Variants in DTNA observed in about 807,000 individuals in gnomAD.
The protein encoded by DTNA is dystrophin-related protein 3.
DTNA carries 43 observed loss-of-function variants against 100.7 expected under a neutral mutation model. The observed-to-expected ratio is 0.43, with a 90% CI of 0.33 to 0.55. DTNA has a LOEUF of 0.55. DTNA is among the 20% of genes least tolerant of loss of function. The pLI, the probability that DTNA is intolerant of heterozygous loss-of-function variation, is 0.04. For missense variants in DTNA, 798 were observed against 953.9 expected (o/e 0.84, Z 2.15); for synonymous variants, 349 against 347.9 (o/e 1.00, Z -0.04).
intron 1 of DTNA, among the ~76,000 whole-genome samples, chr18:34,602,971 C>G (rs1234652871): frequency 6.6e-6 from 1 of 151,630 alleles, no homozygotes; most frequent in East Asian, 1.9e-4. Context: ...CCATTGTACT[C>G]CAGCCCGGGC....
At chr18:34,810,647 G>T (rs1297884583) in intron 5 of DTNA, among the ~76,000 whole-genome samples, 1 of 152,092 alleles carries the variant, frequency 6.6e-6, no homozygotes, top group Admixed American at 6.6e-5. Context: ...GGTGACTATA[G>T]TTAACAAAAT....
chr18:34,773,661 A>C (rs1181002746), intron 3 of DTNA, among the ~76,000 whole-genome samples: 1 of 152,200 alleles, frequency 6.6e-6, no homozygotes, highest in South Asian at 2.1e-4. Context: ...CCCTGTGGGA[A>C]AGTTGGTGGT....
intron 1 of DTNA, among the ~76,000 whole-genome samples, chr18:34,499,639 G>A (rs1359778885): frequency 6.6e-6 from 1 of 152,126 alleles, no homozygotes; most frequent in Non-Finnish European, 1.5e-5. Flanking sequence ...TTGGCATTTG[G>A]TGTTATTGCT....
intron 1 of DTNA, among the ~76,000 whole-genome samples, chr18:34,674,323 T>A (rs2077139344): frequency 6.6e-6 from 1 of 152,184 alleles, no homozygotes; most frequent in Non-Finnish European, 1.5e-5. Context: ...GCTATGCCCT[T>A]AATAGGAAGT....
intron 1 of DTNA, among the ~76,000 whole-genome samples, chr18:34,740,471 C>T (rs1024844311): frequency 7.2e-5 from 11 of 152,132 alleles, no homozygotes; most frequent in Non-Finnish European, 1.2e-4. Flanking sequence ...AAGCTGGAAT[C>T]TGGAACATGT....
At chr18:34,644,382 G>A (rs1318278568) in intron 1 of DTNA, among the ~76,000 whole-genome samples, 2 of 152,092 alleles carry the variant, frequency 1.3e-5, no homozygotes, top group African/African-American at 4.8e-5. Context: ...GGTACATAGA[G>A]AATAAAATTG....
At position 34,877,702 on chromosome 18, in the gene DTNA, T is replaced by C. The variant is rs2096832381; in HGVS notation, c.1904-17T>C. The C allele has an allele frequency of 1.2e-6, 2 of 1,610,390 alleles. No homozygotes were observed. The highest frequency in any genetic ancestry group is 1.7e-6 in the Non-Finnish European group (2 of 1,177,570). ...AAGGAAGCTTTGGTTTTTTAAATTA[T>C]TTCTTCTTCCCTGAAGGTTCAAGAA... On this transcript the variant is annotated splice_polypyrimidine_tract_variant and intron_variant, in intron 18 of 22. Transcript: ENST00000444659.
At chr18:34,875,953 C>G (rs925079198) in intron 18 of DTNA, among the ~76,000 whole-genome samples, 70 of 152,304 alleles carry the variant, frequency 4.6e-4, no homozygotes, top group African/African-American at 1.6e-3. Flanking sequence ...TTTCCCATGA[C>G]AGGGAGAGTA....
chr18:34,849,178 C>T (rs754838643), intron 14 of DTNA, among the ~76,000 whole-genome samples: 5 of 151,874 alleles, frequency 3.3e-5, no homozygotes, highest in Non-Finnish European at 4.4e-5. Flanking sequence ...AAAACAGAGA[C>T]GTAATTGGAG....
At chr18:34,497,950 C>T (rs956335132) in intron 1 of DTNA, among the ~76,000 whole-genome samples, 1 of 152,094 alleles carries the variant, frequency 6.6e-6, no homozygotes, top group East Asian at 1.9e-4. Flanking sequence ...AGGAAAATAT[C>T]TTTAACAGCT....
At chr18:34,841,056 C>T (rs1266920150) in intron 13 of DTNA, among the ~76,000 whole-genome samples, 2 of 151,848 alleles carry the variant, frequency 1.3e-5, no homozygotes, top group Non-Finnish European at 2.9e-5. Context: ...TGTTCAGAGC[C>T]TTGTATACAT....
chr18:34,831,637 G>C (rs1219368673), intron 11 of DTNA, among the ~76,000 whole-genome samples: 1 of 152,066 alleles, frequency 6.6e-6, no homozygotes, highest in Non-Finnish European at 1.5e-5. Context: ...GCACAGTGGC[G>C]GGTGCCTGTA....
intron 1 of DTNA, among the ~76,000 whole-genome samples, chr18:34,730,425 G>T (rs927971845): frequency 6.6e-6 from 1 of 152,206 alleles, no homozygotes; most frequent in Admixed American, 6.5e-5. Flanking sequence ...CTGTTCTCTG[G>T]TTAGTCTGGA....
chr18:34,643,811 C>A (rs1055584895), intron 1 of DTNA, among the ~76,000 whole-genome samples: 2 of 152,152 alleles, frequency 1.3e-5, no homozygotes, highest in Admixed American at 6.5e-5. Flanking sequence ...TAATTCACAG[C>A]AATCAGATTG....
rs142581422 is a variant in DTNA at position 34,725,926 on chromosome 18, G to A, written c.-2+15481G>A. Among the ~76,000 whole-genome samples the A allele has an allele frequency of 7.4e-3, 1,129 of 152,244 alleles. 14 individuals are homozygous for A. Among genetic ancestry groups the A allele is most frequent in the African/African-American group, 0.025 (1,054 of 41,532 alleles). ...TGGAATACTATGCAGCCATAAAAAA[G>A]GATGAGTTCATATCCTTTTCGGGGA... On this transcript the variant is annotated intron_variant, in intron 1 of 22. Coordinates refer to ENST00000444659, the MANE Select transcript of DTNA (RefSeq NM_001386795.1).
intron 1 of DTNA, among the ~76,000 whole-genome samples, chr18:34,740,517 T>TA (rs1476854027): frequency 6.6e-6 from 1 of 152,150 alleles, no homozygotes; most frequent in Admixed American, 6.6e-5. Context: ...AGTGGACACA[T>TA]ACTGGCACAT....
intron 18 of DTNA, among the ~76,000 whole-genome samples, chr18:34,876,631 G>T (rs2096821525): frequency 6.6e-6 from 1 of 152,088 alleles, no homozygotes; most frequent in African/African-American, 2.4e-5. Flanking sequence ...AATATCCAGG[G>T]ATAGCAAAAG....
chr18:34,622,034 A>G (rs1202258550), intron 1 of DTNA, among the ~76,000 whole-genome samples: 4 of 152,176 alleles, frequency 2.6e-5, no homozygotes, highest in Non-Finnish European at 5.9e-5. Context: ...GATATTGTCC[A>G]AAGGATACAA....
chr18:34,797,284 A>T (rs920417321), intron 4 of DTNA, among the ~76,000 whole-genome samples: 1 of 152,216 alleles, frequency 6.6e-6, no homozygotes. Context: ...GCCAGAGGTT[A>T]TCTTTTTTAA....
Sources: allele counts gnomAD v4.1 joint callset (sites outside exome capture counted in the v4.1 genomes callset), GRCh38; gene constraint gnomAD v4.1.1; transcripts MANE v1.5; gene names NCBI Gene and HGNC (gene_info 2026-07-23, HGNC 2026-07-21).